The following FAM227B variants were observed in gnomAD, a reference collection of about 807,000 sequenced individuals.
FAM227B encodes family with sequence similarity 227 member B.
FAM227B carries 88 observed loss-of-function variants against 73.8 expected under a neutral mutation model. That is an observed-to-expected ratio of 1.19 (90% CI 1.00 to 1.42). FAM227B has a LOEUF of 1.42. Ranked by LOEUF, FAM227B falls within the 40% of genes most tolerant of loss-of-function variation. FAM227B has a pLI of 0.00. For synonymous variants in FAM227B, 210 were observed against 190.5 expected (o/e 1.10, Z -0.84); for missense variants, 632 against 590.9 (o/e 1.07, Z -0.72).
At chr15:49,394,306 T>A (rs996158238) in intron 11 of FAM227B, among the ~76,000 whole-genome samples, 2 of 152,132 alleles carry the variant, frequency 1.3e-5, no homozygotes, top group Admixed American at 6.6e-5. Context: ...ATATGGTACA[T>A]AGTGCTGGTA....
At chr15:49,539,134 G>T (rs2070697178) in intron 10 of FAM227B, among the ~76,000 whole-genome samples, 1 of 152,074 alleles carries the variant, frequency 6.6e-6, no homozygotes, top group East Asian at 1.9e-4. Context: ...TTGACTAGGT[G>T]AGGTGTAGTG....
chr15:49,343,070 C>T (rs1236413889), intron 13 of FAM227B, among the ~76,000 whole-genome samples: 3 of 152,092 alleles, frequency 2.0e-5, no homozygotes, highest in Admixed American at 6.5e-5. Context: ...ACCTCTCTAA[C>T]AAGATAACAA....
chr15:49,393,438 T>C (rs1264134975), intron 11 of FAM227B, among the ~76,000 whole-genome samples: 9 of 152,180 alleles, frequency 5.9e-5, no homozygotes, highest in Non-Finnish European at 8.8e-5. Context: ...ACTTCTGCAC[T>C]GAACAAAAAA....
intron 3 of FAM227B, among the ~76,000 whole-genome samples, chr15:49,595,498 A>G (rs1241724902): frequency 2.0e-5 from 3 of 152,006 alleles, no homozygotes; most frequent in African/African-American, 7.2e-5. Flanking sequence ...GAAGTGGTGA[A>G]AGTGGGCATA....
intron 3 of FAM227B, among the ~76,000 whole-genome samples, chr15:49,597,601 A>G (rs1237432101): frequency 6.6e-6 from 1 of 152,084 alleles, no homozygotes; most frequent in East Asian, 1.9e-4. Context: ...ACCCAGCTGA[A>G]GAAATGAAAT....
At chr15:49,418,909 T>C (rs2049402025) in intron 11 of FAM227B, among the ~76,000 whole-genome samples, 1 of 152,160 alleles carries the variant, frequency 6.6e-6, no homozygotes, top group Non-Finnish European at 1.5e-5. Flanking sequence ...CTCTTCCAGT[T>C]TGGTAAAAAA....
At chr15:49,400,932 T>C (rs1008731082) in intron 11 of FAM227B, among the ~76,000 whole-genome samples, 6 of 152,088 alleles carry the variant, frequency 3.9e-5, no homozygotes, top group Admixed American at 3.3e-4. Context: ...ATTCAGGACA[T>C]AGGCATGGGC....
At chr15:49,383,947 C>A (rs1000248211) in intron 11 of FAM227B, among the ~76,000 whole-genome samples, 20 of 152,144 alleles carry the variant, frequency 1.3e-4, no homozygotes, top group South Asian at 8.3e-4. Context: ...GAATGAGGAG[C>A]CAGCAGCTTC....
intron 11 of FAM227B, among the ~76,000 whole-genome samples, chr15:49,420,733 T>A (rs2049553167): frequency 6.6e-6 from 1 of 152,072 alleles, no homozygotes; most frequent in East Asian, 1.9e-4. Context: ...TCAGATGGAG[T>A]CTCGCTTTGT....
chr15:49,568,296 A>T lies in FAM227B; in HGVS notation c.696T>A (p.Tyr232Ter), dbSNP rs1282823731. ...GAGGTATGCTCATGAAAAGTGTCAC[A>T]TAACTTTCTGAAATTCTATCGAATA... ...DCLFDRISES[Y>*]VTLFMSIPLS... Residue 232 changes from tyrosine (Y) to a stop codon, truncating the protein, a stop_gained, in exon 9 of 16, where the codon TAT becomes TAA. Transcript: ENST00000299338. LOFTEE classifies it high-confidence loss of function. The T allele has an allele frequency of 1.2e-6, 2 of 1,611,550 alleles. No homozygotes were observed. Among genetic ancestry groups the T allele is most frequent in the Non-Finnish European group, 1.7e-6 (2 of 1,178,906 alleles).
At chr15:49,467,084 AG>A (rs777251344) in intron 11 of FAM227B, among the ~76,000 whole-genome samples, 14 of 152,120 alleles carry the variant, frequency 9.2e-5, no homozygotes, top group Non-Finnish European at 1.9e-4. Context: ...TTAAAGAGGG[AG>A]GGAAGAAAGA....
chr15:49,360,404 T>C (rs1194348327), intron 13 of FAM227B, among the ~76,000 whole-genome samples: 1 of 152,178 alleles, frequency 6.6e-6, no homozygotes, highest in Non-Finnish European at 1.5e-5. Context: ...CTTATACACT[T>C]TTCTTTTTAA....
intron 9 of FAM227B, among the ~76,000 whole-genome samples, chr15:49,566,492 A>G: frequency 6.6e-6 from 1 of 152,248 alleles, no homozygotes; most frequent in East Asian, 1.9e-4. Context: ...AAAGCCATAC[A>G]AAATATATTT....
In FAM227B at chr15:49,327,679, G is replaced by C. The variant is rs1448978040; in HGVS notation, c.*889C>G. 2.2e-5 allele frequency: 6 copies of C among 273,978 alleles called. No homozygotes were observed. The highest frequency in any genetic ancestry group is 4.1e-5 in the Non-Finnish European group (6 of 146,158). The allele number at this position is 273,978 out of a possible 1,614,324, so 17.0% of individuals were successfully genotyped here. A position where few individuals can be genotyped will look rare whatever the true frequency, so the allele number is the denominator to read the frequency against. ...GCTACTTTATGGAATCAATATTACA[G>C]TGGGTTATTGCCAGTCATGAAATGG... On this transcript the variant is annotated 3_prime_UTR_variant, in exon 16 of 16. Coordinates refer to ENST00000299338, the MANE Select transcript of FAM227B (RefSeq NM_152647.3).
At chr15:49,499,608 G>A (rs2057970409) in intron 11 of FAM227B, among the ~76,000 whole-genome samples, 1 of 152,132 alleles carries the variant, frequency 6.6e-6, no homozygotes, top group Admixed American at 6.5e-5. Context: ...TGTAAAAGAA[G>A]CGCAAACTTG....
At chr15:49,482,133 G>C (rs1163186192) in intron 11 of FAM227B, among the ~76,000 whole-genome samples, 2 of 152,080 alleles carry the variant, frequency 1.3e-5, no homozygotes, top group Non-Finnish European at 2.9e-5. Flanking sequence ...ATAGGTAAAA[G>C]AATGTCTCAG....
At chr15:49,510,120 T>C (rs372877812) in intron 10 of FAM227B, among the ~76,000 whole-genome samples, 20 of 152,246 alleles carry the variant, frequency 1.3e-4, no homozygotes, top group East Asian at 7.7e-4. Context: ...ATTTTAGGCA[T>C]TCTATTGACG....
intron 2 of FAM227B, 142 bp from the exon 3 acceptor site, chr15:49,611,410 C>A: frequency 2.0e-6 from 1 of 496,500 alleles, no homozygotes; most frequent in Non-Finnish European, 3.6e-6. Flanking sequence ...TCACTTTATA[C>A]CATCCCTCCA....
rs1598340063 is a variant in FAM227B at position 49,576,576 on chromosome 15, T to C, written c.546+165A>G. The C allele has an allele frequency of 1.6e-5, 9 of 567,766 alleles. No homozygotes were observed. The East Asian group carries it at 2.7e-4, about 17-fold the overall frequency. 35.2% of individuals were successfully genotyped at this position (567,766 alleles called of 1,614,324 possible). On this transcript the variant is annotated intron_variant, in intron 7 of 15. Coordinates refer to ENST00000299338, the MANE Select transcript of FAM227B (RefSeq NM_152647.3). ...ACACAGAGTTTAATATATTCTTTTCTGGTAATTAGCGGTTAGACACATCAC... is the reference window on the plus strand; with the variant it reads ...ACACAGAGTTTAATATATTCTTTTCCGGTAATTAGCGGTTAGACACATCAC...
Sources: gnomAD v4.1 joint callset for allele counts (sites outside exome capture counted in the v4.1 genomes callset) on GRCh38, gnomAD v4.1.1 for gene constraint, MANE v1.5 for transcripts, NCBI Gene and HGNC (gene_info 2026-07-23, HGNC 2026-07-21) for gene names.